Variants in ANO2 observed in about 807,000 individuals in gnomAD.
The protein encoded by ANO2 is anoctamin 2.
A neutral mutation model predicts 124.2 loss-of-function variants in ANO2; 101 were observed. The observed-to-expected ratio is 0.81, with a 90% CI of 0.69 to 0.96. The LOEUF is 0.96. Among genes scored for constraint, ANO2 ranks in the 40% least tolerant of loss-of-function variants. ANO2 has a pLI of 0.00. For synonymous variants in ANO2, 486 were observed against 482.5 expected (o/e 1.01, Z -0.09); for missense variants, 1,293 against 1,274.5 (o/e 1.01, Z -0.22).
At chr12:5,630,523 A>T (rs1945664049) in intron 16 of ANO2, among the ~76,000 whole-genome samples, 1 of 152,214 alleles carries the variant, frequency 6.6e-6, no homozygotes, top group Non-Finnish European at 1.5e-5. Context: ...GGCCTTATTC[A>T]TCTCAATAAG....
chr12:5,799,626 G>A, intron 9 of ANO2, 55 bp from the exon 10 acceptor site: 2 of 1,517,710 alleles, frequency 1.3e-6, no homozygotes, highest in Non-Finnish European at 1.8e-6. Flanking sequence ...AACTTCACCT[G>A]ATTTTGTCCA....
intron 14 of ANO2, among the ~76,000 whole-genome samples, chr12:5,678,371 AG>A: frequency 6.6e-6 from 1 of 152,212 alleles, no homozygotes; most frequent in Non-Finnish European, 1.5e-5. Context: ...ACTGGCTCCA[AG>A]CCTGCCCACA....
intron 4 of ANO2, among the ~76,000 whole-genome samples, chr12:5,851,109 GA>G (rs1044418985): frequency 2.0e-5 from 3 of 152,150 alleles, no homozygotes; most frequent in Admixed American, 2.0e-4. Context: ...AAAGTGGGGA[GA>G]GAAACCCAGA....
At chr12:5,607,522 G>T (rs1591720795) in intron 19 of ANO2, among the ~76,000 whole-genome samples, 1 of 151,870 alleles carries the variant, frequency 6.6e-6, no homozygotes, top group Non-Finnish European at 1.5e-5. Flanking sequence ...CCCAGATCTG[G>T]TAGGCCAGGG....
At chr12:5,881,893 C>T (rs971824431) in intron 3 of ANO2, 4 of 152,160 alleles carry the variant, frequency 2.6e-5, no homozygotes, top group Non-Finnish European at 5.9e-5. Context: ...TTAGTGATTT[C>T]AATCATGCTC....
intron 7 of ANO2, among the ~76,000 whole-genome samples, chr12:5,821,013 A>C (rs756988244): frequency 6.6e-6 from 1 of 152,204 alleles, no homozygotes; most frequent in Non-Finnish European, 1.5e-5. Context: ...TCAGGGTTAT[A>C]TCAACTCTCC....
At chr12:5,735,611 C>G (rs1950827331) in intron 13 of ANO2, among the ~76,000 whole-genome samples, 1 of 152,190 alleles carries the variant, frequency 6.6e-6, no homozygotes, top group African/African-American at 2.4e-5. Flanking sequence ...AGCAGAATGG[C>G]TGCTTCAGAT....
intron 14 of ANO2, among the ~76,000 whole-genome samples, chr12:5,689,154 G>A (rs976796919): frequency 6.6e-6 from 1 of 152,168 alleles, no homozygotes; most frequent in Non-Finnish European, 1.5e-5. Context: ...GGAAACCAAA[G>A]TGGGAATTTC....
chr12:5,775,346 A>G (rs1952201392), intron 10 of ANO2, among the ~76,000 whole-genome samples: 1 of 152,196 alleles, frequency 6.6e-6, no homozygotes, highest in African/African-American at 2.4e-5. Flanking sequence ...ATCTTAACCC[A>G]AAAGGTCACA....
chr12:5,649,654 G>C (rs1946815969), intron 14 of ANO2, among the ~76,000 whole-genome samples: 1 of 152,122 alleles, frequency 6.6e-6, no homozygotes, highest in African/African-American at 2.4e-5. Context: ...GCCCAGGCTA[G>C]AGTGCAGTGG....
chr12:5,671,223 C>T (rs1172035303), intron 14 of ANO2, among the ~76,000 whole-genome samples: 1 of 151,946 alleles, frequency 6.6e-6, no homozygotes, highest in Non-Finnish European at 1.5e-5. Context: ...ATGGGGGTTC[C>T]TCAAAGTCAC....
intron 10 of ANO2, among the ~76,000 whole-genome samples, chr12:5,759,151 A>AC (rs1951664006): frequency 1.6e-5 from 1 of 62,484 alleles, no homozygotes; most frequent in East Asian, 6.3e-4. Flanking sequence ...TCCAAAAGTT[A>AC]CAAAAAAAAA....
chr12:5,673,865 C>A (rs189183268), intron 14 of ANO2, among the ~76,000 whole-genome samples: 14 of 152,278 alleles, frequency 9.2e-5, no homozygotes, highest in African/African-American at 3.4e-4. Context: ...AATATTCAGT[C>A]CAGCCCATGG....
chr12:5,934,680 T>C (rs781086701), intron 1 of ANO2, among the ~76,000 whole-genome samples: 4 of 152,154 alleles, frequency 2.6e-5, no homozygotes, highest in Non-Finnish European at 5.9e-5. Context: ...ATAAAATTGG[T>C]CAAAACTGGT....
chr12:5,860,130 C>T (rs1179223548), intron 3 of ANO2, among the ~76,000 whole-genome samples: 1 of 152,146 alleles, frequency 6.6e-6, no homozygotes, highest in Non-Finnish European at 1.5e-5. Context: ...CAGCTTCCTA[C>T]GCTCAAGCCT....
chr12:5,690,371 C>T (rs1285327027), intron 14 of ANO2, among the ~76,000 whole-genome samples: 2 of 152,130 alleles, frequency 1.3e-5, no homozygotes, highest in African/African-American at 4.8e-5. Context: ...ATTGGGTGCC[C>T]TGACACTGGG....
At chr12:5,879,244 C>T (rs1433698697) in intron 3 of ANO2, among the ~76,000 whole-genome samples, 1 of 145,422 alleles carries the variant, frequency 6.9e-6, no homozygotes, top group Non-Finnish European at 1.6e-5. Context: ...CAGATGAAGC[C>T]GCAGGCAGGT....
At chr12:5,652,262 T>C (rs1402923288) in intron 14 of ANO2, among the ~76,000 whole-genome samples, 1 of 152,174 alleles carries the variant, frequency 6.6e-6, no homozygotes, top group African/African-American at 2.4e-5. Flanking sequence ...TTTTATTAAA[T>C]AAATTTTTAA....
Position 5,918,707 on chromosome 12 carries a change from T to C in ANO2, c.534+2333A>G, listed in dbSNP as rs375618021. ...TCCAGCCTCAGCCTCCCAAAGTGCT[T>C]GGATTACAGGCATGAGCCACCACAC... On this transcript the variant is annotated intron_variant, in intron 3 of 24. Coordinates refer to ENST00000682330, the MANE Select transcript of ANO2 (RefSeq NM_001364791.2). 1.2e-4 allele frequency among the ~76,000 whole-genome samples: 19 copies of C among 152,112 alleles called. 1 individual carries two copies. The highest frequency in any genetic ancestry group is 4.3e-4 in the African/African-American group (18 of 41,498).
Sources: gnomAD v4.1 joint callset for allele counts (sites outside exome capture counted in the v4.1 genomes callset) on GRCh38, gnomAD v4.1.1 for gene constraint, MANE v1.5 for transcripts, NCBI Gene and HGNC (gene_info 2026-07-23, HGNC 2026-07-21) for gene names.